CFAP20DC: variants seen among roughly 807,000 people sequenced by gnomAD.
CFAP20DC encodes the protein CFAP20 domain containing, also known as protein CFAP20DC.
In CFAP20DC, 84 loss-of-function variants were observed where a neutral mutation model predicts 101.7. The ratio of observed to expected loss-of-function variants is 0.83; its 90% CI spans 0.69 to 0.99. The LOEUF is 0.99. CFAP20DC is among the 50% of genes least tolerant of loss of function. The probability of loss-of-function intolerance (pLI) is 0.00; values close to 1 mark genes in which losing one functional copy is unlikely to be tolerated. For missense variants in CFAP20DC, 1,007 were observed against 970.3 expected (o/e 1.04, Z -0.50); for synonymous variants, 359 against 351.2 (o/e 1.02, Z -0.25).
At chr3:58,831,939 G>C (rs115479260) in intron 13 of CFAP20DC, 50 bp from the exon 14 acceptor site, 1 of 1,515,174 alleles carries the variant, frequency 6.6e-7, no homozygotes, top group Admixed American at 1.7e-5. Context: ...CTAATTCTAC[G>C]GCTACTAACA....
At chr3:58,924,226 C>T (rs947519241) in intron 5 of CFAP20DC, among the ~76,000 whole-genome samples, 1 of 152,040 alleles carries the variant, frequency 6.6e-6, no homozygotes, top group Non-Finnish European at 1.5e-5. Context: ...ACCATTACCC[C>T]GCTTCTAGCC....
intron 4 of CFAP20DC, among the ~76,000 whole-genome samples, chr3:58,969,666 G>A (rs1220622049): frequency 6.6e-6 from 1 of 152,152 alleles, no homozygotes; most frequent in Admixed American, 6.5e-5. Flanking sequence ...TAATATCCAT[G>A]TTGTGTCTTT....
rs367827102 is a variant in CFAP20DC, at chr3:58,934,350, G to A, written c.393+3298C>T. Among the ~76,000 whole-genome samples the A allele has an allele frequency of 7.2e-5, 11 of 152,234 alleles. No homozygotes were observed. In the East Asian group the frequency reaches 7.7e-4, roughly 11 times the overall value. On this transcript the variant is annotated intron_variant, in intron 5 of 16. Coordinates refer to ENST00000482387, the MANE Select transcript of CFAP20DC (RefSeq NM_001394063.1). The stretch of plus-strand genomic sequence containing the variant: ...CCGAATTCTACCAGAGGTACAAGGA[G>A]GAACTGGTACCATTCCTTCTGAAAC...
At chr3:58,949,124 T>C (rs1249419779) in intron 4 of CFAP20DC, among the ~76,000 whole-genome samples, 1 of 152,218 alleles carries the variant, frequency 6.6e-6, no homozygotes, top group African/African-American at 2.4e-5. Context: ...TTCTGTGGGA[T>C]TGGTGGTGAT....
rs376539372 is a variant in CFAP20DC, at chr3:58,866,603, G to A, written c.1221C>T (p.Asn407=). ...GAGACTGGGGTCCTAGAGTGCCGGA[G>A]TTCAACAGCTCTGCTCCTTGTTGGG... The part of the protein sequence containing the change: ...TVSQQGAELL[N]SGTLGPQSPD... Residue 407 remains asparagine, a synonymous_variant, in exon 11 of 17, where the codon AAC becomes AAT. Coordinates refer to ENST00000482387, the MANE Select transcript of CFAP20DC (RefSeq NM_001394063.1). 1 of 1,612,530 alleles carries A rather than the reference G, an allele frequency of 6.2e-7. No homozygotes were observed. The highest frequency in any genetic ancestry group is 1.1e-5 in the South Asian group (1 of 90,996).
rs182892083 is a variant in CFAP20DC at position 58,882,220 on chromosome 3, A to G, written c.715+2325T>C. On this transcript the variant is annotated intron_variant, in intron 7 of 16. Transcript: ENST00000482387. This position sits in a 1 kb window ranked among gnomAD's most constrained non-coding sequence, Gnocchi z 4.2. ...AGAGCCCTTTTATGGAAATTGCAAA[A>G]TATATATTAATATCCTCTTTTATGA... Among the ~76,000 whole-genome samples, 1 of 152,242 alleles carries G rather than the reference A, an allele frequency of 6.6e-6. No homozygotes were observed. The highest frequency in any genetic ancestry group is 1.9e-4 in the East Asian group (1 of 5,184).
chr3:59,013,928 G>C (rs555666400), intron 4 of CFAP20DC, among the ~76,000 whole-genome samples: 1 of 152,208 alleles, frequency 6.6e-6, no homozygotes. Flanking sequence ...GAATTAATTT[G>C]ATCTATTTTA....
At chr3:58,718,961 G>T (rs575857278) in intron 3 of CFAP20DC, among the ~76,000 whole-genome samples, 1 of 152,284 alleles carries the variant, frequency 6.6e-6, no homozygotes, top group African/African-American at 2.4e-5. Context: ...TGCTGCTTTT[G>T]GCCAGGTGTG....
chr3:58,946,459 A>G (rs1195252008), intron 4 of CFAP20DC, among the ~76,000 whole-genome samples: 2 of 152,176 alleles, frequency 1.3e-5, no homozygotes, highest in African/African-American at 4.8e-5. Context: ...TGGACCAGCC[A>G]TGGAGACTGA....
downstream of CFAP20DC, chr3:58,737,348 CCAAA>C (rs567868121): frequency 2.0e-3 from 802 of 410,010 alleles, 5 homozygotes; most frequent in African/African-American, 0.016. This position sits in a 1 kb window ranked among gnomAD's most constrained non-coding sequence, Gnocchi z 4.1. Flanking sequence ...ACCCAACTAA[CCAAA>C]CAAGCAAGCA....
At chr3:58,804,285 C>T (rs1438123869) in intron 15 of CFAP20DC, among the ~76,000 whole-genome samples, 1 of 151,946 alleles carries the variant, frequency 6.6e-6, no homozygotes, top group Non-Finnish European at 1.5e-5. Flanking sequence ...GGTCCCCTTT[C>T]TCCTTTTATT....
chr3:58,824,519 G>C (rs2075907229), intron 14 of CFAP20DC: 1 of 152,118 alleles, frequency 6.6e-6, no homozygotes, highest in African/African-American at 2.4e-5. Context: ...GGGTGAGGGA[G>C]CGAAATGAAG....
intron 4 of CFAP20DC, among the ~76,000 whole-genome samples, chr3:59,023,638 TG>T (rs2093842973): frequency 6.6e-6 from 1 of 152,070 alleles, no homozygotes; most frequent in South Asian, 2.1e-4. Context: ...ACCAACTTTG[TG>T]GGGCAACTGG....
At chr3:58,918,482 T>C (rs2084977585) in intron 5 of CFAP20DC, among the ~76,000 whole-genome samples, 1 of 152,192 alleles carries the variant, frequency 6.6e-6, no homozygotes, top group Non-Finnish European at 1.5e-5. Context: ...CTAATGGTCC[T>C]TTAACTCTTT....
At chr3:58,862,307 G>T in intron 12 of CFAP20DC, 1 of 985,292 alleles carries the variant, frequency 1.0e-6, no homozygotes, top group Non-Finnish European at 1.2e-6. Flanking sequence ...TTATCAGCTG[G>T]GATGAGGACA....
chr3:59,031,980 T>C (rs1357656387), intron 4 of CFAP20DC, among the ~76,000 whole-genome samples: 1 of 152,126 alleles, frequency 6.6e-6, no homozygotes, highest in Non-Finnish European at 1.5e-5. Context: ...AATTTCTGCA[T>C]TTCCAACTGA....
chr3:58,827,671 C>A (rs879610949), intron 14 of CFAP20DC, among the ~76,000 whole-genome samples: 2 of 152,152 alleles, frequency 1.3e-5, no homozygotes, highest in Non-Finnish European at 2.9e-5. Flanking sequence ...ATCCCTGAAA[C>A]CCACATGCGG....
chr3:58,957,734 A>T (rs982626051), intron 4 of CFAP20DC, among the ~76,000 whole-genome samples: 3 of 151,976 alleles, frequency 2.0e-5, no homozygotes, highest in Admixed American at 6.6e-5. Context: ...TTTATTCAGT[A>T]AAAAAAAGCC....
chr3:58,949,543 C>G (rs1162202709), intron 4 of CFAP20DC, among the ~76,000 whole-genome samples: 1 of 152,034 alleles, frequency 6.6e-6, no homozygotes, highest in Admixed American at 6.6e-5. Flanking sequence ...CGTTATGTAT[C>G]CAGTAGTCAT....
Sources: allele counts gnomAD v4.1 joint callset (sites outside exome capture counted in the v4.1 genomes callset), GRCh38; gene constraint gnomAD v4.1.1; non-coding constraint Gnocchi (gnomAD v3.1); transcripts MANE v1.5; gene names NCBI Gene and HGNC (gene_info 2026-07-23, HGNC 2026-07-21).